Variants in RPH3A observed in about 807,000 individuals in gnomAD.
RPH3A encodes the protein rabphilin-3A.
RPH3A carries 48 observed loss-of-function variants against 102.2 expected under a neutral mutation model. That is an observed-to-expected ratio of 0.47 (90% CI 0.37 to 0.60). The LOEUF (loss-of-function observed/expected upper bound fraction) is 0.60, where lower values mean the gene tolerates loss of function less well. Ranked by LOEUF, RPH3A falls within the 20% of genes least tolerant of loss-of-function variation. The probability of loss-of-function intolerance (pLI) is 0.00; values close to 1 mark genes in which losing one functional copy is unlikely to be tolerated. For synonymous variants in RPH3A, 310 were observed against 324.3 expected, an observed-to-expected ratio of 0.96 and a Z score of 0.47; for missense variants, 781 against 910.1, an observed-to-expected ratio of 0.86 and a Z score of 1.83.
intron 1 of RPH3A, chr12:112,695,277 C>T (rs561489882): frequency 6.0e-6 from 1 of 166,522 alleles, no homozygotes; most frequent in Non-Finnish European, 1.5e-5. Context: ...ATATCCTAAC[C>T]AAAATTCACA....
At chr12:112,596,620 T>C (rs2039518578) in intron 1 of RPH3A, among the ~76,000 whole-genome samples, 1 of 152,260 alleles carries the variant, frequency 6.6e-6, no homozygotes, top group South Asian at 2.1e-4. Context: ...ATATTTTTAA[T>C]AACTATAGCT....
At chr12:112,775,469 A>C (rs1037679160) in intron 1 of RPH3A, among the ~76,000 whole-genome samples, 1 of 152,188 alleles carries the variant, frequency 6.6e-6, no homozygotes, top group African/African-American at 2.4e-5. Flanking sequence ...CAGTAGAGAG[A>C]GATTAGAATT....
intron 1 of RPH3A, among the ~76,000 whole-genome samples, chr12:112,601,004 C>G (rs1289425582): frequency 6.6e-6 from 1 of 152,124 alleles, no homozygotes; most frequent in Non-Finnish European, 1.5e-5. Flanking sequence ...ACCATTAGAT[C>G]TCATGAGAGG....
chr12:112,765,246 TTG>T (rs34294777), intron 1 of RPH3A, among the ~76,000 whole-genome samples: 32,656 of 141,308 alleles, frequency 0.23, 3,739 homozygotes, highest in Admixed American at 0.29. Context: ...GTCATGGTGA[TTG>T]TGTGTGTGTG....
intron 1 of RPH3A, among the ~76,000 whole-genome samples, chr12:112,689,141 C>T (rs1408638892): frequency 6.6e-6 from 1 of 152,188 alleles, no homozygotes; most frequent in East Asian, 1.9e-4. Flanking sequence ...ACTCAGATGT[C>T]TATAGTGGCC....
At chr12:112,614,715 A>AAAAAAAC (rs2039665413) in intron 1 of RPH3A, among the ~76,000 whole-genome samples, 2 of 150,770 alleles carry the variant, frequency 1.3e-5, no homozygotes, top group African/African-American at 4.9e-5. Flanking sequence ...AAAAAAAAAA[A>AAAAAAAC]AAGGAAGAAA....
chr12:112,616,229 C>T (rs1327541810), intron 1 of RPH3A, among the ~76,000 whole-genome samples: 1 of 152,206 alleles, frequency 6.6e-6, no homozygotes, highest in Non-Finnish European at 1.5e-5. Flanking sequence ...TCACTGCAAC[C>T]TCCGCCTCCC....
At chr12:112,800,285 G>T (rs1565887863) in intron 2 of RPH3A, among the ~76,000 whole-genome samples, 1 of 152,132 alleles carries the variant, frequency 6.6e-6, no homozygotes, top group African/African-American at 2.4e-5. Flanking sequence ...AGGGAGGGAT[G>T]AGCCACACCT....
rs561619759 is a variant in RPH3A, at chr12:112,750,693, G to A, written c.-139-41450G>A. Among the ~76,000 whole-genome samples the A allele has an allele frequency of 1.8e-4, 27 of 152,216 alleles. No individual in the cohort carries two copies. In the South Asian group the frequency reaches 4.8e-3, roughly 27 times the overall value. On this transcript the variant is annotated intron_variant, in intron 1 of 21. Coordinates refer to the RPH3A transcript ENST00000543106. ...CCTCTTGAAACATGCCTTAACTTTC[G>A]TTCCATGTCTTTCCTATTTAGCTTT...
At chr12:112,580,493 T>C (rs2135957914) in intron 1 of RPH3A, among the ~76,000 whole-genome samples, 1 of 138,532 alleles carries the variant, frequency 7.2e-6, no homozygotes, top group East Asian at 2.5e-4. Flanking sequence ...AAGCTCCGCC[T>C]CCCGAGTTCG....
intron 1 of RPH3A, among the ~76,000 whole-genome samples, chr12:112,712,171 A>C (rs564239663): frequency 6.6e-6 from 1 of 152,260 alleles, no homozygotes; most frequent in East Asian, 1.9e-4. Context: ...TGGTTCTGTC[A>C]TCTGAATGCT....
At chr12:112,600,810 C>T (rs1223443655) in intron 1 of RPH3A, among the ~76,000 whole-genome samples, 1 of 152,154 alleles carries the variant, frequency 6.6e-6, no homozygotes, top group African/African-American at 2.4e-5. Context: ...AGTCCGTCCT[C>T]ATGCTGCTAA....
At chr12:112,885,705 GTTAAAATAAATGTCTTTT>G (rs1018513669) in intron 16 of RPH3A, among the ~76,000 whole-genome samples, 20 of 151,998 alleles carry the variant, frequency 1.3e-4, no homozygotes, top group African/African-American at 4.8e-4. Context: ...TTTTAAATGG[GTTAAAATAAATGTCTTTT>G]TTAATCACCT....
chr12:112,708,550 G>A (rs1165166889), intron 1 of RPH3A, among the ~76,000 whole-genome samples: 2 of 152,208 alleles, frequency 1.3e-5, no homozygotes, highest in African/African-American at 4.8e-5. Context: ...GGAGGAGCTG[G>A]TGGGGAGCAA....
At chr12:112,765,495 A>G (rs1353958890) in intron 1 of RPH3A, among the ~76,000 whole-genome samples, 2 of 152,196 alleles carry the variant, frequency 1.3e-5, no homozygotes, top group Non-Finnish European at 2.9e-5. Context: ...TGTGGTCCTT[A>G]GTGCCTATCA....
chr12:112,881,704 C>T, intron 14 of RPH3A, 68 bp from the exon 15 acceptor site: 1 of 1,129,548 alleles, frequency 8.9e-7, no homozygotes, highest in Non-Finnish European at 1.3e-6. Flanking sequence ...GGGCTATGCC[C>T]ATTGCCGATG....
At chr12:112,610,447 G>A (rs2039630511) in intron 1 of RPH3A, among the ~76,000 whole-genome samples, 1 of 149,920 alleles carries the variant, frequency 6.7e-6, no homozygotes, top group African/African-American at 2.5e-5. Context: ...AGGTTGCAGG[G>A]AGCAGAGGTT....
At chr12:112,602,937 T>C (rs1435912503) in intron 1 of RPH3A, among the ~76,000 whole-genome samples, 1 of 152,186 alleles carries the variant, frequency 6.6e-6, no homozygotes, top group African/African-American at 2.4e-5. Context: ...TTTTAAGTGA[T>C]ATGGGAGCTA....
At chr12:112,817,471 A>G (rs1381046267) in intron 2 of RPH3A, among the ~76,000 whole-genome samples, 1 of 137,226 alleles carries the variant, frequency 7.3e-6, no homozygotes, top group Non-Finnish European at 1.6e-5. Context: ...CCCCAGGCAG[A>G]ACCAATCCCA....
Sources: allele counts gnomAD v4.1 joint callset (sites outside exome capture counted in the v4.1 genomes callset), GRCh38; gene constraint gnomAD v4.1.1; transcripts MANE v1.5; gene names NCBI Gene and HGNC (gene_info 2026-07-23, HGNC 2026-07-21).